The following ZNF875 variants were observed in gnomAD, a reference collection of about 807,000 sequenced individuals.
ZNF875 encodes zinc finger protein 875.
A neutral mutation model predicts 11.2 loss-of-function variants in ZNF875; 14 were observed. The ratio of observed to expected loss-of-function variants is 1.26; its 90% CI spans 0.83 to 1.96. The LOEUF is 1.96. Among genes scored for constraint, ZNF875 ranks in the 30% most tolerant of loss-of-function variants. ZNF875 has a pLI of 0.00. For synonymous variants in ZNF875, 301 were observed against 281.1 expected (o/e 1.07, Z -0.71); for missense variants, 752 against 760.4 (o/e 0.99, Z 0.13).
In ZNF875 at chr19:37,363,001, A is replaced by G. The variant is rs1346548532; in HGVS notation, c.1149A>G (p.Arg383=). The part of the protein sequence containing the change: ...RGFRQHSHLV[R]HKRTHSGEKP... ...TTCGCCAGCATTCACACCTGGTCAG[A>G]CACAAGAGGACACATTCAGGAGAGA... is the stretch of plus-strand genomic sequence containing the variant. The change falls in exon 5 of 5, where the codon AGA becomes AGG. Residue 383 remains arginine, a synonymous_variant. Coordinates refer to ENST00000392153, the MANE Select transcript of ZNF875 (RefSeq NM_001353803.2). The G allele has an allele frequency of 6.2e-7, 1 of 1,614,188 alleles. No homozygotes were observed. The highest frequency in any genetic ancestry group is 1.6e-4 in the Middle Eastern group (1 of 6,062).
chr19:37,342,267 G>A (rs1257977044), intron 2 of ZNF875, among the ~76,000 whole-genome samples: 1 of 152,120 alleles, frequency 6.6e-6, no homozygotes, highest in African/African-American at 2.4e-5. Flanking sequence ...AGAGACTGAA[G>A]ATGTAAAATA....
At chr19:37,355,959 G>A (rs903759596) in intron 4 of ZNF875, among the ~76,000 whole-genome samples, 1 of 152,136 alleles carries the variant, frequency 6.6e-6, no homozygotes. Flanking sequence ...GGAGTCCCCA[G>A]TGTCTATTAT....
Position 37,347,294 on chromosome 19 carries a change from T to G in ZNF875, c.138T>G (p.Thr46=), listed in dbSNP as rs778718963. Residue 46 remains threonine, a synonymous_variant, in exon 3 of 5, where the codon ACT becomes ACG. Transcript: ENST00000392153. ...RTLHREVMLE[T]YNHLVSLEIP... ...TGCACAGGGAGGTGATGCTGGAGAC[T>G]TATAACCATCTGGTCTCACTGGGTA... The G allele has an allele frequency of 4.3e-6, 7 of 1,613,882 alleles. No individual in the cohort carries two copies. The Admixed American group carries it at 8.3e-5, about 19-fold the overall frequency.
chr19:37,329,373 T>TG (rs1418151692), intron 4 of ZNF875, among the ~76,000 whole-genome samples: 1 of 152,154 alleles, frequency 6.6e-6, no homozygotes, highest in Non-Finnish European at 1.5e-5. Context: ...CTGCAGGCTA[T>TG]GGATGGTATT....
chr19:37,352,270 G>A (rs1014218566), intron 4 of ZNF875, among the ~76,000 whole-genome samples: 3 of 151,666 alleles, frequency 2.0e-5, no homozygotes, highest in Admixed American at 6.6e-5. Flanking sequence ...AGGCTGGAGT[G>A]CAGTGGCACT....
intron 4 of ZNF875, among the ~76,000 whole-genome samples, chr19:37,327,757 CCTCA>C (rs2032728000): frequency 1.7e-5 from 1 of 60,412 alleles, no homozygotes; most frequent in East Asian, 5.9e-4. Flanking sequence ...GAGCAAAACT[CCTCA>C]AAAAAAAAAA....
At chr19:37,316,633 G>T (rs1284245649), upstream of ZNF875, among the ~76,000 whole-genome samples, 1 of 151,538 alleles carries the variant, frequency 6.6e-6, no homozygotes, top group Non-Finnish European at 1.5e-5. Flanking sequence ...GCCTCCCAAA[G>T]TGCTGGGATT....
At chr19:37,350,077 G>C (rs1327351864) in intron 4 of ZNF875, among the ~76,000 whole-genome samples, 1 of 134,086 alleles carries the variant, frequency 7.5e-6, no homozygotes, top group Non-Finnish European at 1.5e-5. Context: ...GATTACAGAC[G>C]TGAGCCACCA....
chr19:37,336,891 G>T (rs531294442), intron 2 of ZNF875, among the ~76,000 whole-genome samples: 2 of 152,156 alleles, frequency 1.3e-5, no homozygotes, highest in South Asian at 4.2e-4. Flanking sequence ...CCGGGCAACA[G>T]AGTGAGACTC....
intron 2 of ZNF875, among the ~76,000 whole-genome samples, chr19:37,322,713 G>A (rs1372503401): frequency 1.3e-5 from 2 of 152,156 alleles, no homozygotes; most frequent in Non-Finnish European, 2.9e-5. Context: ...CTCTAACTTT[G>A]CCCTGTTAAT....
At chr19:37,351,307 A>G (rs2037857259) in intron 4 of ZNF875, among the ~76,000 whole-genome samples, 1 of 152,010 alleles carries the variant, frequency 6.6e-6, no homozygotes, top group African/African-American at 2.4e-5. Flanking sequence ...CATTCCCCAT[A>G]TTGTGATTTA....
At chr19:37,321,259 A>C (rs117210280) in intron 1 of ZNF875, among the ~76,000 whole-genome samples, 1 of 152,180 alleles carries the variant, frequency 6.6e-6, no homozygotes, top group South Asian at 2.1e-4. Context: ...TGCACTTCAG[A>C]TAAGAGGAAG....
chr19:37,321,105 A>G (rs1249982493), intron 1 of ZNF875, among the ~76,000 whole-genome samples: 4 of 152,168 alleles, frequency 2.6e-5, no homozygotes, highest in Non-Finnish European at 5.9e-5. Flanking sequence ...ATCTCTGCCT[A>G]GGAAAGCCAG....
At chr19:37,348,864 A>G (rs1464117191) in intron 4 of ZNF875, among the ~76,000 whole-genome samples, 3 of 152,214 alleles carry the variant, frequency 2.0e-5, no homozygotes, top group Non-Finnish European at 4.4e-5. Flanking sequence ...ATGCCAAACT[A>G]TTCTCCAAAG....
intron 1 of ZNF875, among the ~76,000 whole-genome samples, chr19:37,320,529 A>C (rs2031208086): frequency 6.6e-6 from 1 of 152,232 alleles, no homozygotes; most frequent in Non-Finnish European, 1.5e-5. Flanking sequence ...TTAGTAGCTC[A>C]AACCATCATT....
intron 4 of ZNF875, among the ~76,000 whole-genome samples, chr19:37,326,042 T>C (rs2032378652): frequency 6.6e-6 from 1 of 152,148 alleles, no homozygotes; most frequent in African/African-American, 2.4e-5. Flanking sequence ...GAGGTCTTGC[T>C]ATGTTGCCCA....
chr19:37,336,630 C>G (rs2034493172), intron 2 of ZNF875, among the ~76,000 whole-genome samples: 1 of 151,592 alleles, frequency 6.6e-6, no homozygotes, highest in African/African-American at 2.4e-5. Context: ...CAACCTTGGC[C>G]AGGCGTGGTG....
In ZNF875 at chr19:37,362,729, TG is replaced by T. The variant is rs1319361206; in HGVS notation, c.879del (p.Trp293Ter). 14 of 1,609,096 alleles carry T rather than the reference TG, an allele frequency of 8.7e-6. No homozygotes were observed. Among genetic ancestry groups the T allele is most frequent in the African/African-American group, 1.4e-5 (1 of 73,932 alleles). On this transcript the variant is annotated frameshift_variant, in exon 5 of 5. Coordinates refer to ENST00000392153, the MANE Select transcript of ZNF875 (RefSeq NM_001353803.2). LOFTEE classifies it low-confidence loss of function (END_TRUNC). Reference protein sequence around the residue: ...VCRECGRGFTWKSNLITHQRT... With the variant: ...VCRECGRGFTXKSNLITHQRT... ...CAGGGAATGTGGGCGAGGCTTTACG[TG>T]GAAGTCAAACCTGATCACACATCAG... is the stretch of plus-strand genomic sequence containing the variant.
Position 37,363,731 on chromosome 19 carries a change from CG to C in ZNF875, c.1881del (p.Lys628SerfsTer49), listed in dbSNP as rs763711796. 1.5e-5 allele frequency: 25 copies of C among 1,613,688 alleles called. No homozygotes were observed. The South Asian group carries it at 2.6e-4, about 17-fold the overall frequency. Reference sequence around the variant, plus strand: ...CAGAAAGTGTGGACGGGGCTTTAGTCGGAAGTCCAACCTTATCAGACATCAG... The same window carrying C: ...CAGAAAGTGTGGACGGGGCTTTAGTCGAAGTCCAACCTTATCAGACATCAG... ...ICRKCGRGFS[R>X]KSNLIRHQRT... On this transcript the variant is annotated frameshift_variant, in exon 5 of 5. Transcript: ENST00000392153. LOFTEE classifies it low-confidence loss of function (END_TRUNC).
Sources: gnomAD v4.1 joint callset for allele counts (sites outside exome capture counted in the v4.1 genomes callset) on GRCh38, gnomAD v4.1.1 for gene constraint, MANE v1.5 for transcripts, NCBI Gene and HGNC (gene_info 2026-07-23, HGNC 2026-07-21) for gene names.